The following DBR1 variants were observed in gnomAD, a reference collection of about 807,000 sequenced individuals.
The protein encoded by DBR1 is debranching RNA lariats 1, also known as lariat debranching enzyme.
DBR1 carries 33 observed loss-of-function variants against 45.9 expected under a neutral mutation model. The observed-to-expected ratio is 0.72, with a 90% CI of 0.55 to 0.96. DBR1 has a LOEUF of 0.96. Among genes scored for constraint, DBR1 ranks in the 40% least tolerant of loss-of-function variants. The pLI is 0.00. For synonymous variants in DBR1, 235 were observed against 235.9 expected, an observed-to-expected ratio of 1.00 and a Z score of 0.04; for missense variants, 619 against 667.4, an observed-to-expected ratio of 0.93 and a Z score of 0.80.
At chr3:138,171,475 C>CAAAAAAAAA (rs906867666) in intron 3 of DBR1, 158 bp downstream of exon 3, 15 of 69,582 alleles carry the variant, frequency 2.2e-4, no homozygotes, top group Non-Finnish European at 2.5e-4. Context: ...AACTCTGTCT[C>CAAAAAAAAA]AAAAAAAAAA....
chr3:138,169,992 T>G lies in DBR1; in HGVS notation c.489+115A>C, dbSNP rs1048252071. 3 of 703,666 alleles carry G rather than the reference T, an allele frequency of 4.3e-6. No individual in the cohort carries two copies. The African/African-American group carries it at 5.6e-5, about 13-fold the overall frequency. 43.6% of individuals were successfully genotyped at this position (703,666 alleles called of 1,614,324 possible). A position where few individuals can be genotyped will look rare whatever the true frequency, so the allele number is the denominator to read the frequency against. On this transcript the variant is annotated intron_variant, in intron 4 of 7. Transcript: ENST00000260803. Reference sequence around the variant, plus strand: ...TCCTAAAAACTCAAGATCCACATTTTAAAAATACAGAATTGCTCTTCTTGA... The same window carrying G: ...TCCTAAAAACTCAAGATCCACATTTGAAAAATACAGAATTGCTCTTCTTGA...
At chr3:138,167,447 T>G in intron 4 of DBR1, 142 bp from the exon 5 acceptor site, 1 of 617,048 alleles carries the variant, frequency 1.6e-6, no homozygotes, top group Non-Finnish European at 2.8e-6. Flanking sequence ...AAGGACACTT[T>G]AAGAGAGTGA....
At chr3:138,167,016 T>A in intron 5 of DBR1, 65 bp downstream of exon 5, 1 of 1,419,058 alleles carries the variant, frequency 7.0e-7, no homozygotes, top group Non-Finnish European at 9.9e-7. Context: ...ACTTTACAAC[T>A]GTGTCTGGTC....
chr3:138,168,483 G>T (rs2042940376), intron 4 of DBR1, among the ~76,000 whole-genome samples: 2 of 149,102 alleles, frequency 1.3e-5, no homozygotes, highest in Admixed American at 6.7e-5. Context: ...TCGCACTGTT[G>T]CACTCCAGCT....
In DBR1 at chr3:138,167,221, T is replaced by G; in HGVS notation, c.574A>C (p.Thr192Pro). Residue 192 changes from threonine (T) to proline (P), a missense_variant, in exon 5 of 8, where the codon ACT becomes CCT. Thr to Pro is a conservative substitution (Grantham distance 38). Around this residue, in one of 3 missense-constraint regions of DBR1, gnomAD observed 430 missense variants for 447.7 expected, o/e 0.96. Coordinates refer to ENST00000260803, the MANE Select transcript of DBR1 (RefSeq NM_016216.4). ...HYGNKKQLLK[T>P]KSFFRQEVEN... ...ACTTCTTGTCGGAAAAAAGATTTAG[T>G]CTTAAGAAGTTGCTTCTTATTTCCA... 1 of 1,613,956 alleles carries G rather than the reference T, an allele frequency of 6.2e-7. No homozygotes were observed. Among genetic ancestry groups the G allele is most frequent in the Non-Finnish European group, 8.5e-7 (1 of 1,179,914 alleles).
chr3:138,167,156 A>G lies in DBR1; in HGVS notation c.639T>C (p.Leu213=). ...AATAAGTAGGTTTGAGATGCTCTAA[A>G]AGCTCTGAGGCAGCTGGACTTCCTA... is the stretch of plus-strand genomic sequence containing the variant. ...NTLGSPAASE[L]LEHLKPTYWF... Residue 213 remains leucine (L), a synonymous_variant, in exon 5 of 8, where the codon CTT becomes CTC. Transcript: ENST00000260803. 1 of 1,614,166 alleles carries G rather than the reference A, an allele frequency of 6.2e-7. No homozygotes were observed. The highest frequency in any genetic ancestry group is 8.5e-7 in the Non-Finnish European group (1 of 1,180,032).
Position 138,173,507 on chromosome 3 carries a change from T to C in DBR1, c.317A>G (p.Tyr106Cys), listed in dbSNP as rs1257869722. 6.2e-7 allele frequency: 1 copy of C among 1,613,482 alleles called. No individual in the cohort carries two copies. The change falls in exon 2 of 8, where the codon TAT becomes TGT. Residue 106 changes from tyrosine (Y) to cysteine (C), a missense_variant. Around this residue, in one of 3 missense-constraint regions of DBR1, gnomAD observed 430 missense variants for 447.7 expected, o/e 0.96. Transcript: ENST00000260803. ...YGGWVAPNIY[Y>C]LGLAGVVKYR... ...CCACAAACACAATCACATACCTAAA[T>C]AATAAATGTTTGGTGCCACCCAGCC...
chr3:138,162,256 G>A lies in DBR1; in HGVS notation c.1268C>T (p.Ser423Phe), dbSNP rs1279694150. The A allele has an allele frequency of 1.9e-6, 3 of 1,613,672 alleles. No individual in the cohort carries two copies. The highest frequency in any genetic ancestry group is 2.5e-6 in the Non-Finnish European group (3 of 1,179,714). Residue 423 changes from serine to phenylalanine, a missense_variant, in exon 8 of 8, where the codon TCT (serine) becomes TTT (phenylalanine). By Grantham distance (155) the Ser-to-Phe change is radical. Coordinates refer to ENST00000260803, the MANE Select transcript of DBR1 (RefSeq NM_016216.4). ...TAACATTATTTCATCTGGATTAATA[G>A]AAGACAGAGCAGATGTGTCTGTATT... is the stretch of plus-strand genomic sequence containing the variant. ...EYNTDTSALS[S>F]INPDEIMLDE...
In DBR1 at chr3:138,162,229, T is replaced by C; in HGVS notation, c.1295A>G (p.Asp432Gly). The C allele has an allele frequency of 6.2e-7, 1 of 1,614,204 alleles. No individual in the cohort carries two copies. Among genetic ancestry groups the C allele is most frequent in the Non-Finnish European group, 8.5e-7 (1 of 1,180,026 alleles). Reference sequence around the variant, plus strand: ...AATACTATCTTCATCTTCTTCTTCATCTAACATTATTTCATCTGGATTAAT... The same window carrying C: ...AATACTATCTTCATCTTCTTCTTCACCTAACATTATTTCATCTGGATTAAT... ...SSINPDEIML[D>G]EEEDEDSIVS... The change falls in exon 8 of 8, where the codon GAT becomes GGT. Residue 432 changes from aspartate (D) to glycine (G), a missense_variant. Physicochemically the swap from Asp to Gly is moderately conservative, Grantham distance 94. Coordinates refer to ENST00000260803, the MANE Select transcript of DBR1 (RefSeq NM_016216.4).
intron 5 of DBR1, among the ~76,000 whole-genome samples, chr3:138,165,868 C>T (rs1405314379): frequency 6.6e-6 from 1 of 152,172 alleles, no homozygotes; most frequent in African/African-American, 2.4e-5. Context: ...GAGACAATTA[C>T]AAAGAGGTCA....
In DBR1 at chr3:138,163,342, G is replaced by T; in HGVS notation, c.941+7C>A. 1 of 1,610,516 alleles carries T rather than the reference G, an allele frequency of 6.2e-7. No homozygotes were observed. The highest frequency in any genetic ancestry group is 1.1e-5 in the South Asian group (1 of 90,274). On this transcript the variant is annotated splice_region_variant and intron_variant, in intron 7 of 7. Transcript: ENST00000260803. ...AAAAAGCAGGTCCTAAATAAAGTCT[G>T]ACTTACCTTGCATGCAGGCCATTAT...
intron 5 of DBR1, among the ~76,000 whole-genome samples, chr3:138,166,486 A>G (rs1481442913): frequency 6.6e-6 from 1 of 152,166 alleles, no homozygotes; most frequent in Non-Finnish European, 1.5e-5. Context: ...TTTTACATAA[A>G]TAGCCTGCTC....
chr3:138,173,496 A>T lies in DBR1; in HGVS notation c.322+6T>A. ...AAAAAAAGTATCCACAAACACAATC[A>T]CATACCTAAATAATAAATGTTTGGT... is the stretch of plus-strand genomic sequence containing the variant. On this transcript the variant is annotated splice_donor_region_variant and intron_variant, in intron 2 of 7. Coordinates refer to ENST00000260803, the MANE Select transcript of DBR1 (RefSeq NM_016216.4). 4 of 1,613,504 alleles carry T rather than the reference A, an allele frequency of 2.5e-6. No homozygotes were observed. The highest frequency in any genetic ancestry group is 3.4e-6 in the Non-Finnish European group (4 of 1,179,646).
rs771091452 is a variant in DBR1, at chr3:138,174,802, G to A, written c.-7C>T. On this transcript the variant is annotated 5_prime_UTR_variant, in exon 1 of 8. Transcript: ENST00000260803. The stretch of plus-strand genomic sequence containing the variant: ...CAGCCACAGCCACCCGCATTCTGCC[G>A]GCCTGAGGAGGTGAGCGCTGCCTGC... The A allele has an allele frequency of 4.4e-6, 7 of 1,608,928 alleles. No individual in the cohort carries two copies. The highest frequency in any genetic ancestry group is 5.1e-6 in the Non-Finnish European group (6 of 1,178,668).
In DBR1 at chr3:138,161,510, TAC is replaced by T. The variant is rs1294514189; in HGVS notation, c.*377_*378del. On this transcript the variant is annotated 3_prime_UTR_variant, in exon 8 of 8. Transcript: ENST00000260803. The stretch of plus-strand genomic sequence containing the variant: ...TTAGTCAAAAATTCAGCTCTAAAAA[TAC>T]AGTCTCAAAAAATCACATATCTACA... The T allele has an allele frequency of 6.1e-6, 1 of 163,458 alleles. No homozygotes were observed. The highest frequency in any genetic ancestry group is 2.4e-5 in the African/African-American group (1 of 41,694). The allele number at this position is 163,458 out of a possible 1,614,324, so 10.1% of individuals were successfully genotyped here.
At position 138,162,443 on chromosome 3, in the gene DBR1, G is replaced by A. The variant is rs747642808; in HGVS notation, c.1081C>T (p.His361Tyr). The A allele has an allele frequency of 2.5e-6, 4 of 1,614,006 alleles. No individual in the cohort carries two copies. In the East Asian group the frequency reaches 6.7e-5, roughly 27 times the overall value. ...TCAGTTGTCTGAGGATTGATCCTATGAATCAGCTGCATTTGTGTCTGTGGC... is the reference window on the plus strand; with the variant it reads ...TCAGTTGTCTGAGGATTGATCCTATAAATCAGCTGCATTTGTGTCTGTGGC... ...SKPQTQMQLI[H>Y]RINPQTTEFC... is the part of the protein sequence containing the mutation. The change falls in exon 8 of 8, where the codon CAT (histidine) becomes TAT (tyrosine). Residue 361 changes from histidine to tyrosine, a missense_variant. Coordinates refer to ENST00000260803, the MANE Select transcript of DBR1 (RefSeq NM_016216.4).
rs967867123 is a variant in DBR1 at position 138,171,761 on chromosome 3, A to G, written c.323-48T>C. On this transcript the variant is annotated intron_variant, in intron 2 of 7. Coordinates refer to ENST00000260803, the MANE Select transcript of DBR1 (RefSeq NM_016216.4). ...ATTACTGTAGGCAAAAGGAATCTCT[A>G]CACCGACTGAATAAACCATTCCATT... 9 of 1,321,944 alleles carry G rather than the reference A, an allele frequency of 6.8e-6. No homozygotes were observed. The African/African-American group carries it at 1.3e-4, about 19-fold the overall frequency. The allele number at this position is 1,321,944 out of a possible 1,614,324, so 81.9% of individuals were successfully genotyped here. A position where few individuals can be genotyped will look rare whatever the true frequency, so the allele number is the denominator to read the frequency against.
chr3:138,170,203 A>G lies in DBR1; in HGVS notation c.404-11T>C, dbSNP rs1292537029. On this transcript the variant is annotated splice_polypyrimidine_tract_variant and intron_variant, in intron 3 of 7. Coordinates refer to ENST00000260803, the MANE Select transcript of DBR1 (RefSeq NM_016216.4). ...GGCACTCAAAATGACCTTAGATTGA[A>G]GCAGAAAAATAAGCTATATTTAATT... is the stretch of plus-strand genomic sequence containing the variant. The G allele has an allele frequency of 3.3e-6, 5 of 1,525,656 alleles. No individual in the cohort carries two copies. The highest frequency in any genetic ancestry group is 1.7e-4 in the Middle Eastern group (1 of 5,808). 94.5% of individuals were successfully genotyped at this position (1,525,656 alleles called of 1,614,324 possible).
rs375435800 is a variant in DBR1 at position 138,171,462 on chromosome 3, C to T, written c.403+171G>A. 108 of 443,806 alleles carry T rather than the reference C, an allele frequency of 2.4e-4. No homozygotes were observed. In the African/African-American group the frequency reaches 3.1e-3, roughly 13 times the overall value. The allele number at this position is 443,806 out of a possible 1,614,324, so 27.5% of individuals were successfully genotyped here. On this transcript the variant is annotated intron_variant, in intron 3 of 7. Coordinates refer to ENST00000260803, the MANE Select transcript of DBR1 (RefSeq NM_016216.4). ...TGCACTCCATCATGGACACCAAGAA[C>T]GAAACTCTGTCTCAAAAAAAAAAAA...
Sources: allele counts gnomAD v4.1 joint callset (sites outside exome capture counted in the v4.1 genomes callset), GRCh38; gene constraint gnomAD v4.1.1; regional missense constraint gnomAD v4.1.1; transcripts MANE v1.5; gene names NCBI Gene and HGNC (gene_info 2026-07-23, HGNC 2026-07-21).